OSBPL10: variants seen among roughly 807,000 people sequenced by gnomAD.
OSBPL10 encodes the protein oxysterol-binding protein-related protein 10.
OSBPL10 carries 49 observed loss-of-function variants against 81.7 expected under a neutral mutation model. That is an observed-to-expected ratio of 0.60 (90% CI 0.48 to 0.76). The LOEUF is 0.76. Ranked by LOEUF, OSBPL10 falls within the 30% of genes least tolerant of loss-of-function variation. OSBPL10 has a pLI of 0.00. For synonymous variants in OSBPL10, 419 were observed against 383.6 expected, an observed-to-expected ratio of 1.09 and a Z score of -1.08; for missense variants, 923 against 987.8, an observed-to-expected ratio of 0.93 and a Z score of 0.88.
intron 1 of OSBPL10, among the ~76,000 whole-genome samples, chr3:31,893,813 A>T (rs538997535): frequency 5.9e-5 from 9 of 152,348 alleles, no homozygotes; most frequent in African/African-American, 1.9e-4. Flanking sequence ...ACAGAGAGAC[A>T]AAAAGATAAG....
At chr3:32,072,845 G>A (rs545591811) in intron 1 of OSBPL10, among the ~76,000 whole-genome samples, 6 of 152,208 alleles carry the variant, frequency 3.9e-5, no homozygotes, top group African/African-American at 1.2e-4. Flanking sequence ...AGGCCACCGC[G>A]GTCCTATCTT....
At chr3:32,055,290 G>A (rs1432475180) in intron 1 of OSBPL10, among the ~76,000 whole-genome samples, 2 of 126,284 alleles carry the variant, frequency 1.6e-5, no homozygotes, top group Non-Finnish European at 3.1e-5. Context: ...TGCATCCTCT[G>A]CCTCCTGGGT....
intron 1 of OSBPL10, among the ~76,000 whole-genome samples, chr3:31,944,221 A>G (rs943531564): frequency 6.6e-6 from 1 of 152,144 alleles, no homozygotes; most frequent in Non-Finnish European, 1.5e-5. Context: ...ACCATTGCTA[A>G]GGCTGTTGAT....
At chr3:31,889,920 C>T (rs1575601188) in intron 1 of OSBPL10, among the ~76,000 whole-genome samples, 1 of 152,102 alleles carries the variant, frequency 6.6e-6, no homozygotes, top group Non-Finnish European at 1.5e-5. Flanking sequence ...TAAATATGTA[C>T]AATTATGTGT....
chr3:31,720,690 G>A (rs1043985492), intron 6 of OSBPL10, among the ~76,000 whole-genome samples: 1 of 151,988 alleles, frequency 6.6e-6, no homozygotes, highest in Non-Finnish European at 1.5e-5. Context: ...TCTGAGCTCA[G>A]GAGTTCGAGA....
chr3:31,728,300 T>C (rs766493194), intron 6 of OSBPL10, among the ~76,000 whole-genome samples: 10 of 151,984 alleles, frequency 6.6e-5, no homozygotes, highest in Non-Finnish European at 1.2e-4. Flanking sequence ...AACACAGGGG[T>C]TGATAGGAGT....
At chr3:31,949,258 G>T (rs1029376124) in intron 1 of OSBPL10, among the ~76,000 whole-genome samples, 2 of 152,176 alleles carry the variant, frequency 1.3e-5, no homozygotes, top group African/African-American at 4.8e-5. Context: ...AGTTAAAATA[G>T]CAACAGCTAA....
At chr3:32,021,325 G>T (rs565044188) in intron 2 of OSBPL10, among the ~76,000 whole-genome samples, 1 of 152,174 alleles carries the variant, frequency 6.6e-6, no homozygotes, top group African/African-American at 2.4e-5. Context: ...CTCAAATAAA[G>T]TTCAACGTCA....
chr3:31,858,835 G>A (rs1191174041), intron 3 of OSBPL10, among the ~76,000 whole-genome samples: 1 of 152,276 alleles, frequency 6.6e-6, no homozygotes, highest in East Asian at 1.9e-4. Flanking sequence ...AAAACTTTTA[G>A]GGGGAAAGTC....
At chr3:32,038,504 T>C (rs1298109112) in intron 2 of OSBPL10, among the ~76,000 whole-genome samples, 2 of 152,106 alleles carry the variant, frequency 1.3e-5, no homozygotes, top group Admixed American at 1.3e-4. Context: ...GTATTTTTTA[T>C]AGAAACAGGG....
rs187641439 is a variant in OSBPL10, at chr3:32,031,590, T to A, written n.298+14901A>T. 2.3e-3 allele frequency among the ~76,000 whole-genome samples: 353 copies of A among 152,230 alleles called. 5 individuals carry two copies. The highest frequency in any genetic ancestry group is 7.8e-3 in the African/African-American group (324 of 41,536). On this transcript the variant is annotated intron_variant and non_coding_transcript_variant, in intron 2 of 3. Transcript: ENST00000479173. ...GATTCTCCTGCCTCAGCCTCCCAAG[T>A]AGCTGGGACTACAGGCATACGCCCG...
intron 1 of OSBPL10, among the ~76,000 whole-genome samples, chr3:31,934,566 C>G (rs533672733): frequency 1.3e-5 from 2 of 152,110 alleles, no homozygotes; most frequent in South Asian, 4.2e-4. Context: ...GCCACCACAC[C>G]CAGCTAATTT....
intron 6 of OSBPL10, among the ~76,000 whole-genome samples, chr3:31,728,668 T>C (rs779533241): frequency 1.2e-4 from 19 of 152,102 alleles, no homozygotes; most frequent in Admixed American, 7.9e-4. Flanking sequence ...CATGATTCCA[T>C]ATATATATGA....
chr3:31,824,503 T>C lies in OSBPL10; in HGVS notation c.729+5537A>G, dbSNP rs1340266300. On this transcript the variant is annotated intron_variant, in intron 4 of 11. Coordinates refer to ENST00000396556, the MANE Select transcript of OSBPL10 (RefSeq NM_017784.5). ...TGAAGGATCACTTTCTGCTGACCGA[T>C]GGTTGCTACAAGAGCACTGGAAACG... Among the ~76,000 whole-genome samples the C allele has an allele frequency of 6.6e-5, 10 of 152,204 alleles. No homozygotes were observed. The East Asian group carries it at 1.9e-3, about 29-fold the overall frequency.
At chr3:31,664,544 C>T in intron 10 of OSBPL10, 5 of 482,608 alleles carry the variant, frequency 1.0e-5, no homozygotes, top group South Asian at 1.0e-4. Context: ...GTAGCAGGCA[C>T]ATATGGCATT....
chr3:31,806,776 G>A (rs1699531637), intron 4 of OSBPL10, among the ~76,000 whole-genome samples: 1 of 151,352 alleles, frequency 6.6e-6, no homozygotes. Flanking sequence ...TTGGACAGAG[G>A]TCTAGAGGAA....
Position 31,830,177 on chromosome 3 carries a change from T to C in OSBPL10, c.592A>G (p.Asn198Asp). The change falls in exon 4 of 12, where the codon AAT (asparagine) becomes GAT (aspartate). Residue 198 changes from asparagine to aspartate, a missense_variant. Physicochemically the swap from Asn to Asp is conservative, Grantham distance 23 (BLOSUM62 1). This residue lies in a region of OSBPL10 where 514 missense variants were observed against 508.0 expected (regional missense o/e 1.01). Transcript: ENST00000396556. ...SLTLLPHGTP[N>D]SASPCSQRHL... ...CTCTGGCTACAGGGAGACGCAGAAT[T>C]GGGTGTTCCATGTGGGAGCAAAGTG... 6.2e-7 allele frequency: 1 copy of C among 1,614,096 alleles called. No homozygotes were observed. The highest frequency in any genetic ancestry group is 8.5e-7 in the Non-Finnish European group (1 of 1,179,998).
chr3:31,927,390 C>T (rs1368296133), intron 1 of OSBPL10, among the ~76,000 whole-genome samples: 1 of 152,160 alleles, frequency 6.6e-6, no homozygotes, highest in Non-Finnish European at 1.5e-5. Flanking sequence ...CATTAGAACA[C>T]ATCTTTTAAG....
intron 6 of OSBPL10, among the ~76,000 whole-genome samples, chr3:31,727,550 AC>A (rs1200066812): frequency 6.6e-6 from 1 of 152,208 alleles, no homozygotes; most frequent in Non-Finnish European, 1.5e-5. Flanking sequence ...CTATGCAGCA[AC>A]CATTTGGAGT....
Sources: allele counts gnomAD v4.1 joint callset (sites outside exome capture counted in the v4.1 genomes callset), GRCh38; gene constraint gnomAD v4.1.1; regional missense constraint gnomAD v4.1.1; transcripts MANE v1.5; gene names NCBI Gene and HGNC (gene_info 2026-07-23, HGNC 2026-07-21).